Variants in PTPRD observed in about 807,000 individuals in gnomAD.
PTPRD encodes the protein receptor-type tyrosine-protein phosphatase delta.
In PTPRD, 34 loss-of-function variants were observed where a neutral mutation model predicts 214.5. That is an observed-to-expected ratio of 0.16 (90% CI 0.12 to 0.21). The LOEUF (loss-of-function observed/expected upper bound fraction) is 0.21. Among genes scored for constraint, PTPRD ranks in the 10% least tolerant of loss-of-function variants. The pLI is 1.00. For synonymous variants in PTPRD, 1,128 were observed against 845.7 expected, an observed-to-expected ratio of 1.33 and a Z score of -5.79; for missense variants, 2,545 against 2,398.7, an observed-to-expected ratio of 1.06 and a Z score of -1.27.
At chr9:8,669,078 G>C (rs1377161796) in intron 12 of PTPRD, among the ~76,000 whole-genome samples, 1 of 152,096 alleles carries the variant, frequency 6.6e-6, no homozygotes, top group East Asian at 1.9e-4. Context: ...TGGGAAAGGG[G>C]AGGGAGGTAC....
At chr9:10,238,643 A>T (rs1200985241) in intron 3 of PTPRD, among the ~76,000 whole-genome samples, 1 of 151,962 alleles carries the variant, frequency 6.6e-6, no homozygotes, top group Non-Finnish European at 1.5e-5. Flanking sequence ...GAGGCTAATT[A>T]ACCTATATTC....
chr9:8,944,141 T>A (rs959913981), intron 11 of PTPRD, among the ~76,000 whole-genome samples: 1 of 151,792 alleles, frequency 6.6e-6, no homozygotes, highest in Non-Finnish European at 1.5e-5. Flanking sequence ...CAAAAAGGAA[T>A]ATGGAAAGAT....
At chr9:8,583,121 G>A (rs1029540684) in intron 14 of PTPRD, among the ~76,000 whole-genome samples, 3 of 152,124 alleles carry the variant, frequency 2.0e-5, no homozygotes, top group African/African-American at 7.2e-5. Flanking sequence ...CTCATAAAGA[G>A]TGCACCACCT....
intron 34 of PTPRD, among the ~76,000 whole-genome samples, chr9:8,437,975 A>G (rs1033647267): frequency 3.9e-5 from 6 of 152,172 alleles, no homozygotes; most frequent in Non-Finnish European, 7.3e-5. Flanking sequence ...GCTGACTCTT[A>G]TCTTACAGAT....
chr9:9,731,161 G>A (rs1464755034), intron 7 of PTPRD, among the ~76,000 whole-genome samples: 1 of 151,812 alleles, frequency 6.6e-6, no homozygotes, highest in Non-Finnish European at 1.5e-5. Context: ...TTTTACTGCT[G>A]GTATTTAGTT....
At chr9:10,507,003 T>A (rs1033903160) in intron 2 of PTPRD, among the ~76,000 whole-genome samples, 2 of 152,102 alleles carry the variant, frequency 1.3e-5, no homozygotes, top group Non-Finnish European at 2.9e-5. Flanking sequence ...AGAGAGGGCA[T>A]CCCTGTCTTG....
intron 11 of PTPRD, among the ~76,000 whole-genome samples, chr9:8,947,136 C>T (rs1445047560): frequency 6.6e-6 from 1 of 150,486 alleles, no homozygotes; most frequent in Admixed American, 6.6e-5. Context: ...CTACTCTTTC[C>T]TAATTTCAAT....
intron 10 of PTPRD, among the ~76,000 whole-genome samples, chr9:9,022,438 A>G (rs1346852517): frequency 2.0e-5 from 3 of 151,900 alleles, no homozygotes; most frequent in Non-Finnish European, 4.4e-5. Flanking sequence ...TTCCTTGTTT[A>G]GTTATATTTA....
intron 3 of PTPRD, among the ~76,000 whole-genome samples, chr9:10,150,090 T>A (rs1038058395): frequency 4.6e-5 from 7 of 152,210 alleles, no homozygotes; most frequent in African/African-American, 1.7e-4. Context: ...GTTTTAAACC[T>A]GCACACTAAA....
intron 39 of PTPRD, among the ~76,000 whole-genome samples, chr9:8,351,097 G>A (rs1239966334): frequency 6.6e-6 from 1 of 152,048 alleles, no homozygotes; most frequent in Non-Finnish European, 1.5e-5. Context: ...AATAAACTAT[G>A]GTATATCAAT....
chr9:8,404,262 G>C (rs983177537), intron 36 of PTPRD, among the ~76,000 whole-genome samples: 1 of 151,972 alleles, frequency 6.6e-6, no homozygotes, highest in Non-Finnish European at 1.5e-5. Context: ...CTGAGTAGCT[G>C]GGATTACAGG....
intron 5 of PTPRD, among the ~76,000 whole-genome samples, chr9:9,912,090 T>C (rs1487960867): frequency 6.6e-6 from 1 of 152,058 alleles, no homozygotes; most frequent in Non-Finnish European, 1.5e-5. Flanking sequence ...ATATTGTAAG[T>C]GGGGGAAAAA....
chr9:8,955,899 C>A (rs2099129136), intron 11 of PTPRD, among the ~76,000 whole-genome samples: 1 of 151,908 alleles, frequency 6.6e-6, no homozygotes, highest in Non-Finnish European at 1.5e-5. Context: ...CATATCCATG[C>A]ATATACACAC....
intron 34 of PTPRD, among the ~76,000 whole-genome samples, chr9:8,437,822 T>C (rs574467350): frequency 2.6e-5 from 4 of 152,196 alleles, no homozygotes; most frequent in African/African-American, 7.2e-5. Flanking sequence ...GCGGAAGATA[T>C]AGTAATTTCA....
intron 9 of PTPRD, among the ~76,000 whole-genome samples, chr9:9,395,489 A>G (rs1223033578): frequency 6.6e-6 from 1 of 152,082 alleles, no homozygotes; most frequent in East Asian, 1.9e-4. Flanking sequence ...AAGAAAGGAG[A>G]GTTTTAGCAG....
chr9:9,231,805 A>C (rs1028953680), intron 9 of PTPRD, among the ~76,000 whole-genome samples: 1 of 152,112 alleles, frequency 6.6e-6, no homozygotes, highest in South Asian at 2.1e-4. Context: ...ATAGGTATAC[A>C]TGTGCCATGT....
At chr9:8,681,937 G>C (rs1043096066) in intron 12 of PTPRD, among the ~76,000 whole-genome samples, 1 of 151,994 alleles carries the variant, frequency 6.6e-6, no homozygotes, top group Non-Finnish European at 1.5e-5. Context: ...CTGAACAACC[G>C]ACTACGGTAG....
intron 8 of PTPRD, among the ~76,000 whole-genome samples, chr9:9,499,740 G>C (rs1212337165): frequency 6.6e-6 from 1 of 151,976 alleles, no homozygotes; most frequent in Admixed American, 6.6e-5. Context: ...CAAAACACAA[G>C]CATGGATAGT....
At chr9:9,651,838 T>G (rs3945666) in intron 7 of PTPRD, among the ~76,000 whole-genome samples, 20,645 of 129,494 alleles carry the variant, frequency 0.16, 1,855 homozygotes, top group South Asian at 0.23. Flanking sequence ...TTTTTTTTTT[T>G]TTTTTTTTTT....
Sources: allele counts gnomAD v4.1 joint callset (sites outside exome capture counted in the v4.1 genomes callset), GRCh38; gene constraint gnomAD v4.1.1; transcripts MANE v1.5; gene names NCBI Gene and HGNC (gene_info 2026-07-23, HGNC 2026-07-21).